Variants in CTNND2 observed in about 807,000 individuals in gnomAD.
The protein encoded by CTNND2 is catenin delta-2.
In CTNND2, 22 loss-of-function variants were observed where a neutral mutation model predicts 144.4. That is an observed-to-expected ratio of 0.15 (90% CI 0.11 to 0.22). CTNND2 has a LOEUF of 0.22. CTNND2 is among the 10% of genes least tolerant of loss of function. The pLI, the probability that CTNND2 is intolerant of heterozygous loss-of-function variation, is 1.00. For synonymous variants in CTNND2, 751 were observed against 695.6 expected, an observed-to-expected ratio of 1.08 and a Z score of -1.25; for missense variants, 1,353 against 1,618.8, an observed-to-expected ratio of 0.84 and a Z score of 2.82.
In CTNND2 at chr5:11,860,978, A is replaced by C. The variant is rs577550379; in HGVS notation, c.37+42839T>G. The stretch of plus-strand genomic sequence containing the variant: ...TGTTTTCAGAAATCTTTCTATGGTA[A>C]GTATTTTGAAGTGATCTTGTTCTAA... On this transcript the variant is annotated intron_variant, in intron 1 of 21. Transcript: ENST00000304623. Among the ~76,000 whole-genome samples, 6 of 152,324 alleles carry C rather than the reference A, an allele frequency of 3.9e-5. No homozygotes were observed. The South Asian group carries it at 1.2e-3, about 32-fold the overall frequency.
At chr5:11,504,398 T>TA (rs1207611584) in intron 3 of CTNND2, among the ~76,000 whole-genome samples, 1 of 152,306 alleles carries the variant, frequency 6.6e-6, no homozygotes, top group Non-Finnish European at 1.5e-5. Flanking sequence ...GCCCAGTCTT[T>TA]AAAAAAATTG....
chr5:11,890,679 T>C (rs1456546215), intron 1 of CTNND2, among the ~76,000 whole-genome samples: 1 of 152,082 alleles, frequency 6.6e-6, no homozygotes, highest in Non-Finnish European at 1.5e-5. Flanking sequence ...TTCGAGGAGG[T>C]TGCAGTCTAA....
intron 1 of CTNND2, among the ~76,000 whole-genome samples, chr5:11,875,749 A>G (rs1407237414): frequency 2.0e-5 from 3 of 152,210 alleles, no homozygotes; most frequent in Non-Finnish European, 4.4e-5. Flanking sequence ...ACTGCTGTTT[A>G]TAAGTCACCC....
chr5:11,810,373 T>C (rs1792259325), intron 1 of CTNND2, among the ~76,000 whole-genome samples: 1 of 152,202 alleles, frequency 6.6e-6, no homozygotes, highest in Non-Finnish European at 1.5e-5. Context: ...TTCATAATTT[T>C]TTCAAGGATT....
intron 2 of CTNND2, among the ~76,000 whole-genome samples, chr5:11,710,188 A>T (rs891318512): frequency 2.0e-5 from 3 of 152,144 alleles, no homozygotes; most frequent in African/African-American, 7.2e-5. Flanking sequence ...AGAACCATTT[A>T]TCTGGATTTT....
At chr5:11,176,017 A>G (rs896944887) in intron 11 of CTNND2, among the ~76,000 whole-genome samples, 33 of 152,138 alleles carry the variant, frequency 2.2e-4, no homozygotes, top group Non-Finnish European at 4.1e-4. Context: ...TGAAATGCCA[A>G]TTCATTTCTT....
At chr5:11,882,282 C>CA (rs1205541480) in intron 1 of CTNND2, among the ~76,000 whole-genome samples, 2 of 151,820 alleles carry the variant, frequency 1.3e-5, no homozygotes, top group East Asian at 3.9e-4. Context: ...AAATCCTATC[C>CA]AAAAAATCTT....
intron 20 of CTNND2, among the ~76,000 whole-genome samples, chr5:10,986,140 C>T (rs890134040): frequency 6.6e-6 from 1 of 152,174 alleles, no homozygotes; most frequent in Non-Finnish European, 1.5e-5. Context: ...GTTTAAGCCT[C>T]TAAATAAGTT....
At chr5:11,749,361 T>G (rs1169192532) in intron 1 of CTNND2, among the ~76,000 whole-genome samples, 1 of 152,046 alleles carries the variant, frequency 6.6e-6, no homozygotes, top group East Asian at 1.9e-4. Context: ...CAGGTGTTTT[T>G]GAGGGTCATT....
intron 1 of CTNND2, among the ~76,000 whole-genome samples, chr5:11,743,679 T>C (rs1788146623): frequency 6.6e-6 from 1 of 152,244 alleles, no homozygotes; most frequent in South Asian, 2.1e-4. Context: ...CATTAGGTCT[T>C]ATTCATGGAG....
intron 2 of CTNND2, among the ~76,000 whole-genome samples, chr5:11,569,758 A>G (rs1288937141): frequency 6.6e-6 from 1 of 152,160 alleles, no homozygotes; most frequent in African/African-American, 2.4e-5. Context: ...TCTATGGTCT[A>G]AATGCCTGTG....
chr5:11,869,719 G>A (rs1331787094), intron 1 of CTNND2, among the ~76,000 whole-genome samples: 3 of 152,156 alleles, frequency 2.0e-5, no homozygotes, highest in Non-Finnish European at 2.9e-5. Flanking sequence ...GGCTAAGGTG[G>A]TAAATTTTAT....
chr5:11,513,442 G>C (rs1448041918), intron 3 of CTNND2, among the ~76,000 whole-genome samples: 1 of 152,188 alleles, frequency 6.6e-6, no homozygotes, highest in Non-Finnish European at 1.5e-5. Context: ...CAAAGGGTTT[G>C]ATCAATGTGA....
chr5:11,099,955 C>T (rs1236818316), intron 14 of CTNND2, among the ~76,000 whole-genome samples: 1 of 151,962 alleles, frequency 6.6e-6, no homozygotes, highest in African/African-American at 2.4e-5. Flanking sequence ...AATGTACTTA[C>T]AGATATTTTA....
intron 1 of CTNND2, among the ~76,000 whole-genome samples, chr5:11,782,818 A>G (rs887619903): frequency 6.6e-6 from 1 of 152,194 alleles, no homozygotes; most frequent in Admixed American, 6.5e-5. Flanking sequence ...CATGCTTATA[A>G]TCAAGTCCCC....
rs545879486 is a variant in CTNND2, at chr5:11,229,796, T to C, written c.1761+6895A>G. 5.9e-5 allele frequency among the ~76,000 whole-genome samples: 9 copies of C among 152,034 alleles called. 1 individual carries two copies. In the South Asian group the frequency reaches 1.9e-3, roughly 32 times the overall value. On this transcript the variant is annotated intron_variant, in intron 10 of 21. Transcript: ENST00000304623. ...TCATGTATAACTCTTTTTGTATAAC[T>C]GTGTACATACACACATATATATACA...
chr5:11,523,711 T>C (rs1034707852), intron 3 of CTNND2, among the ~76,000 whole-genome samples: 1 of 152,238 alleles, frequency 6.6e-6, no homozygotes. Context: ...GGGGACTTCC[T>C]GCACCTGCTC....
At chr5:11,205,606 G>T (rs552900529) in intron 10 of CTNND2, among the ~76,000 whole-genome samples, 169 of 152,160 alleles carry the variant, frequency 1.1e-3, no homozygotes, top group African/African-American at 3.9e-3. Context: ...TTACCTCACT[G>T]AATTTCAAGC....
Position 11,671,126 on chromosome 5 carries a change from A to G in CTNND2, c.174+61010T>C, listed in dbSNP as rs185940591. On this transcript the variant is annotated intron_variant, in intron 2 of 21. Transcript: ENST00000304623. ...GCCCCCCATCTCTTCTGGCTTGTAG[A>G]GTTTCTGCTGAGAGATCCGCTGTTA... Among the ~76,000 whole-genome samples, 29 of 152,270 alleles carry G rather than the reference A, an allele frequency of 1.9e-4. No homozygotes were observed. The East Asian group carries it at 4.8e-3, about 25-fold the overall frequency.
Sources: gnomAD v4.1 joint callset for allele counts (sites outside exome capture counted in the v4.1 genomes callset) on GRCh38, gnomAD v4.1.1 for gene constraint, MANE v1.5 for transcripts, NCBI Gene and HGNC (gene_info 2026-07-23, HGNC 2026-07-21) for gene names.